Variants in LHPP observed in about 807,000 individuals in gnomAD.
LHPP encodes the protein hLHPP.
Under a neutral mutation model 30.3 loss-of-function variants are expected in LHPP, and 24 were observed. The observed-to-expected ratio is 0.79, with a 90% CI of 0.57 to 1.11. The LOEUF is 1.11. LHPP is among the 50% of genes most tolerant of loss of function. The pLI, the probability that LHPP is intolerant of heterozygous loss-of-function variation, is 0.00. For synonymous variants in LHPP, 150 were observed against 157.1 expected (o/e 0.95, Z 0.34); for missense variants, 356 against 367.2 (o/e 0.97, Z 0.25).
At chr10:124,471,091 C>T (rs980517705) in intron 1 of LHPP, among the ~76,000 whole-genome samples, 1 of 152,086 alleles carries the variant, frequency 6.6e-6, no homozygotes, top group East Asian at 1.9e-4. Context: ...CCTCCATCCT[C>T]GACCAAGTCC....
chr10:124,505,954 G>A (rs1954050080), intron 5 of LHPP, among the ~76,000 whole-genome samples: 1 of 152,142 alleles, frequency 6.6e-6, no homozygotes, highest in African/African-American at 2.4e-5. Context: ...GGTTAAGACA[G>A]GATTTCTCAG....
intron 5 of LHPP, among the ~76,000 whole-genome samples, chr10:124,514,420 C>G (rs750720634): frequency 1.3e-5 from 2 of 152,148 alleles, no homozygotes; most frequent in Non-Finnish European, 2.9e-5. Flanking sequence ...TCTGAAATAT[C>G]TTTATTTCAT....
rs933348410 is a variant in LHPP, at chr10:124,547,040, C to CGT, written c.716+29770_716+29771insTG. ...TTTTCTGCACACACACACGCACACG[C>CGT]GCGCACACACACAGGAGGTTGTCCT... On this transcript the variant is annotated intron_variant, in intron 6 of 6. Transcript: ENST00000368842. Among the ~76,000 whole-genome samples the CGT allele has an allele frequency of 1.7e-3, 27 of 15,788 alleles. No homozygotes were observed. In the East Asian group the frequency reaches 0.048, roughly 28 times the overall value. The allele number at this position is 15,788 out of a possible 152,430, so 10.4% of individuals were successfully genotyped here.
chr10:124,477,268 C>G (rs961154715), intron 1 of LHPP, among the ~76,000 whole-genome samples: 1 of 152,190 alleles, frequency 6.6e-6, no homozygotes, highest in Non-Finnish European at 1.5e-5. Context: ...ACCTGCATCT[C>G]TTTTCACTAC....
chr10:124,574,994 A>C (rs976555469), intron 6 of LHPP, among the ~76,000 whole-genome samples: 2 of 152,198 alleles, frequency 1.3e-5, no homozygotes, highest in African/African-American at 4.8e-5. Context: ...AGCTGCCATC[A>C]GTAGCCATGC....
At chr10:124,518,196 C>G (rs1954510467) in intron 6 of LHPP, among the ~76,000 whole-genome samples, 1 of 152,226 alleles carries the variant, frequency 6.6e-6, no homozygotes, top group African/African-American at 2.4e-5. Flanking sequence ...AAGTTGGTCC[C>G]TTCCAGCTAC....
intron 5 of LHPP, among the ~76,000 whole-genome samples, chr10:124,508,411 G>C: frequency 6.6e-6 from 1 of 152,136 alleles, no homozygotes; most frequent in East Asian, 1.9e-4. Context: ...GGTTTGAATT[G>C]GAAACTCTGT....
chr10:124,516,268 C>G (rs1269327121), intron 5 of LHPP, among the ~76,000 whole-genome samples: 1 of 152,248 alleles, frequency 6.6e-6, no homozygotes, highest in African/African-American at 2.4e-5. Flanking sequence ...GGCCTCTCCT[C>G]TGTGCTTGCA....
chr10:124,585,616 A>G (rs1453093742), intron 6 of LHPP, among the ~76,000 whole-genome samples: 4 of 97,408 alleles, frequency 4.1e-5, no homozygotes, highest in East Asian at 5.2e-4. Flanking sequence ...CTCTATCTCT[A>G]AAAAAAAAAA....
intron 5 of LHPP, among the ~76,000 whole-genome samples, chr10:124,512,498 TCCCAGC>T (rs1954327735): frequency 6.6e-6 from 1 of 150,396 alleles, no homozygotes; most frequent in Non-Finnish European, 1.5e-5. Context: ...CCGCCTGTAA[TCCCAGC>T]TACTCAGGAG....
chr10:124,609,343 G>A (rs1225426914), intron 6 of LHPP, among the ~76,000 whole-genome samples: 2 of 152,102 alleles, frequency 1.3e-5, no homozygotes, highest in Admixed American at 6.6e-5. Context: ...CCCAGGCTCA[G>A]GTGATCCTCC....
chr10:124,533,465 G>A (rs574517019), intron 6 of LHPP, among the ~76,000 whole-genome samples: 4 of 152,222 alleles, frequency 2.6e-5, no homozygotes, highest in Non-Finnish European at 1.5e-5. Context: ...CCTTACTTCC[G>A]ATGACCTTGT....
chr10:124,494,085 A>G (rs1336218464), intron 3 of LHPP, among the ~76,000 whole-genome samples: 2 of 152,216 alleles, frequency 1.3e-5, no homozygotes, highest in Non-Finnish European at 1.5e-5. Context: ...TTAGCATGCA[A>G]AGACAAGGTT....
chr10:124,474,807 C>A (rs1481863587), intron 1 of LHPP, among the ~76,000 whole-genome samples: 1 of 152,096 alleles, frequency 6.6e-6, no homozygotes, highest in African/African-American at 2.4e-5. Context: ...CTCAGTTCAC[C>A]CTGGGCTCCC....
intron 1 of LHPP, among the ~76,000 whole-genome samples, chr10:124,471,092 G>A (rs926397052): frequency 3.9e-5 from 6 of 151,932 alleles, no homozygotes; most frequent in African/African-American, 1.2e-4. Flanking sequence ...CTCCATCCTC[G>A]ACCAAGTCCC....
At chr10:124,519,556 G>A (rs909637348) in intron 6 of LHPP, among the ~76,000 whole-genome samples, 4 of 152,156 alleles carry the variant, frequency 2.6e-5, no homozygotes, top group African/African-American at 9.7e-5. Context: ...AGTATACACT[G>A]TACCCAGTGT....
chr10:124,536,946 G>A (rs1208435120), intron 6 of LHPP, among the ~76,000 whole-genome samples: 2 of 152,058 alleles, frequency 1.3e-5, no homozygotes, highest in African/African-American at 2.4e-5. Context: ...CAGGCTCCCC[G>A]ACCTCTCCAG....
intron 6 of LHPP, among the ~76,000 whole-genome samples, chr10:124,535,737 G>T (rs1386695243): frequency 6.6e-6 from 1 of 152,250 alleles, no homozygotes; most frequent in Non-Finnish European, 1.5e-5. Context: ...AAACCTTGCT[G>T]GCCTTTAGGG....
chr10:124,488,279 C>T (rs1051743998), intron 2 of LHPP, 143 bp from the exon 3 acceptor site: 1 of 740,338 alleles, frequency 1.4e-6, no homozygotes, highest in African/African-American at 1.8e-5. Flanking sequence ...CTGTGTCTAC[C>T]TCCCATGGCA....
Sources: gnomAD v4.1 joint callset for allele counts (sites outside exome capture counted in the v4.1 genomes callset) on GRCh38, gnomAD v4.1.1 for gene constraint, MANE v1.5 for transcripts, NCBI Gene and HGNC (gene_info 2026-07-23, HGNC 2026-07-21) for gene names.